PIK3R3: variants seen among roughly 807,000 people sequenced by gnomAD.
PIK3R3 encodes the protein phosphatidylinositol 3-kinase regulatory subunit gamma.
Under a neutral mutation model 62.9 loss-of-function variants are expected in PIK3R3, and 64 were observed. That is an observed-to-expected ratio of 1.02 (90% CI 0.83 to 1.25). The LOEUF (loss-of-function observed/expected upper bound fraction) is 1.25. Ranked by LOEUF, PIK3R3 falls within the 50% of genes most tolerant of loss-of-function variation. The pLI, the probability that PIK3R3 is intolerant of heterozygous loss-of-function variation, is 0.00. For missense variants in PIK3R3, 614 were observed against 561.6 expected, an observed-to-expected ratio of 1.09 and a Z score of -0.94; for synonymous variants, 165 against 189.0, an observed-to-expected ratio of 0.87 and a Z score of 1.04.
At chr1:46,096,986 CA>C (rs889318751) in intron 1 of PIK3R3, among the ~76,000 whole-genome samples, 125 of 132,754 alleles carry the variant, frequency 9.4e-4, no homozygotes, top group Non-Finnish European at 1.4e-3. Context: ...AGAAAACAAA[CA>C]AAAAAAAAAA....
the PIK3R3 span, among the ~76,000 whole-genome samples, chr1:46,143,613 C>CTA: frequency 2.0e-5 from 3 of 151,784 alleles, no homozygotes; most frequent in South Asian, 2.1e-4. Flanking sequence ...GTAGCTGGGA[C>CTA]TATAGCACAT....
At chr1:46,087,241 T>A (rs1651153030) in intron 1 of PIK3R3, among the ~76,000 whole-genome samples, 1 of 151,794 alleles carries the variant, frequency 6.6e-6, no homozygotes, top group Admixed American at 6.6e-5. Flanking sequence ...GTTGTGCACA[T>A]GTACTCTAGA....
At chr1:46,064,467 G>A (rs564218689) in intron 5 of PIK3R3, among the ~76,000 whole-genome samples, 1 of 152,164 alleles carries the variant, frequency 6.6e-6, no homozygotes, top group Non-Finnish European at 1.5e-5. Flanking sequence ...CTTGAACCCG[G>A]GAGGCGGAGG....
the PIK3R3 span, among the ~76,000 whole-genome samples, chr1:46,142,000 C>T: frequency 6.6e-6 from 1 of 152,238 alleles, no homozygotes; most frequent in Non-Finnish European, 1.5e-5. Context: ...AAGTGACTAC[C>T]TTCCACTGTC....
chr1:46,078,528 C>CG (rs1482313944), intron 2 of PIK3R3, among the ~76,000 whole-genome samples: 3 of 151,928 alleles, frequency 2.0e-5, no homozygotes, highest in African/African-American at 7.3e-5. Context: ...GGGGACTGAA[C>CG]GAGACTCTAT....
intron 1 of PIK3R3, among the ~76,000 whole-genome samples, chr1:46,129,090 G>T (rs1481418497): frequency 6.6e-6 from 1 of 151,484 alleles, no homozygotes; most frequent in East Asian, 1.9e-4. Context: ...AAAAAAAGAA[G>T]AAGAAGTGCT....
chr1:46,082,159 T>C (rs1650653163), intron 1 of PIK3R3, among the ~76,000 whole-genome samples: 1 of 152,114 alleles, frequency 6.6e-6, no homozygotes, highest in African/African-American at 2.4e-5. Flanking sequence ...AAGGTTAATA[T>C]TAGAAATAAT....
intron 3 of PIK3R3, among the ~76,000 whole-genome samples, chr1:46,072,418 T>C (rs1182008057): frequency 1.3e-5 from 2 of 152,270 alleles, no homozygotes; most frequent in Non-Finnish European, 2.9e-5. Context: ...TCATTAATTC[T>C]TTCATTCAAA....
At chr1:46,163,683 G>A in the PIK3R3 span, among the ~76,000 whole-genome samples, 1 of 152,202 alleles carries the variant, frequency 6.6e-6, no homozygotes, top group Admixed American at 6.5e-5. Context: ...AGGAACCATG[G>A]CCCTGGTGCT....
At chr1:46,146,500 C>T in the PIK3R3 span, among the ~76,000 whole-genome samples, 3 of 152,282 alleles carry the variant, frequency 2.0e-5, no homozygotes, top group Admixed American at 2.0e-4. Flanking sequence ...AGGGCCCTGC[C>T]TCCCATCTGA....
In PIK3R3 at chr1:46,041,521, C is replaced by G. The variant is rs1386264593; in HGVS notation, c.*2152G>C. The G allele has an allele frequency of 5.7e-6, 1 of 176,794 alleles. No individual in the cohort carries two copies. Among genetic ancestry groups the G allele is most frequent in the Non-Finnish European group, 1.2e-5 (1 of 81,932 alleles). The allele number at this position is 176,794 out of a possible 1,614,324, so 11.0% of individuals were successfully genotyped here. On this transcript the variant is annotated 3_prime_UTR_variant, in exon 10 of 10. Transcript: ENST00000262741. ...AGACACATTACTGAATACTACAGCC[C>G]TGTATCTGTATTTCCATTTTGGTTT...
At position 46,101,512 on chromosome 1, in the gene PIK3R3, A is replaced by T. The variant is rs371870355; in HGVS notation, c.107-20762T>A. ...CAGCAAGACTCTGTTTCAAAGAAGC[A>T]AACAAACAACAACACAAAAAAAACC... On this transcript the variant is annotated intron_variant, in intron 1 of 9. Coordinates refer to ENST00000262741, the MANE Select transcript of PIK3R3 (RefSeq NM_003629.4). Among the ~76,000 whole-genome samples, 84 of 152,312 alleles carry T rather than the reference A, an allele frequency of 5.5e-4. 2 individuals are homozygous for T. Among genetic ancestry groups the T allele is most frequent in the African/African-American group, 1.9e-3 (81 of 41,570 alleles).
upstream of PIK3R3, chr1:46,132,660 G>T (rs909052859): frequency 2.3e-6 from 3 of 1,289,692 alleles, no homozygotes; most frequent in African/African-American, 1.5e-5. Context: ...TCATTTTAAC[G>T]GCGCGGAGGG....
chr1:46,043,855 T>TCA lies in PIK3R3; in HGVS notation c.1202_1203dup (p.Lys402Ter). ...GCAGTGCTGTAGATCACACAGTGCT[T>TCA]CACTTCCCCATCGGCCCTGCAATGA... On this transcript the variant is annotated frameshift_variant, in exon 10 of 10. Coordinates refer to ENST00000262741, the MANE Select transcript of PIK3R3 (RefSeq NM_003629.4). LOFTEE classifies it high-confidence loss of function. The TCA allele has an allele frequency of 6.2e-7, 1 of 1,613,644 alleles. No individual in the cohort carries two copies. Among genetic ancestry groups the TCA allele is most frequent in the South Asian group, 1.1e-5 (1 of 91,010 alleles).
chr1:46,051,908 C>G (rs1380243179), intron 7 of PIK3R3, among the ~76,000 whole-genome samples: 1 of 152,028 alleles, frequency 6.6e-6, no homozygotes, highest in Non-Finnish European at 1.5e-5. Context: ...GAGGCCGAGG[C>G]AGGCGGATCA....
At chr1:46,061,457 A>G (rs1390226399) in intron 6 of PIK3R3, among the ~76,000 whole-genome samples, 4 of 152,194 alleles carry the variant, frequency 2.6e-5, no homozygotes, top group African/African-American at 4.8e-5. Context: ...GACTGCTGCC[A>G]AAGTTGATAT....
At chr1:46,170,368 G>A in the PIK3R3 span, among the ~76,000 whole-genome samples, 8 of 152,110 alleles carry the variant, frequency 5.3e-5, no homozygotes, top group African/African-American at 1.9e-4. Context: ...TCAGGAACCA[G>A]AAATGTGTTC....
intron 1 of PIK3R3, among the ~76,000 whole-genome samples, chr1:46,115,591 C>T (rs1654114699): frequency 6.6e-6 from 1 of 152,144 alleles, no homozygotes; most frequent in Non-Finnish European, 1.5e-5. Flanking sequence ...ACACTAGGAA[C>T]CAGTCCCAGT....
chr1:46,128,973 A>C (rs1655329104), intron 1 of PIK3R3, among the ~76,000 whole-genome samples: 1 of 152,086 alleles, frequency 6.6e-6, no homozygotes, highest in Non-Finnish European at 1.5e-5. Context: ...TGGGAGGCTG[A>C]GGCAGGAGAA....
Sources: gnomAD v4.1 joint callset for allele counts (sites outside exome capture counted in the v4.1 genomes callset) on GRCh38, gnomAD v4.1.1 for gene constraint, MANE v1.5 for transcripts, NCBI Gene and HGNC (gene_info 2026-07-23, HGNC 2026-07-21) for gene names.